Variants in DGKB observed in about 807,000 individuals in gnomAD.
The protein encoded by DGKB is 90 kDa diacylglycerol kinase.
In DGKB, 67 loss-of-function variants were observed where a neutral mutation model predicts 114.3. The ratio of observed to expected loss-of-function variants is 0.59; its 90% confidence interval spans 0.48 to 0.72. The LOEUF (loss-of-function observed/expected upper bound fraction) is 0.72. DGKB is among the 30% of genes least tolerant of loss of function. The pLI is 0.00. For synonymous variants in DGKB, 398 were observed against 323.1 expected, an observed-to-expected ratio of 1.23 and a Z score of -2.49; for missense variants, 907 against 975.2, an observed-to-expected ratio of 0.93 and a Z score of 0.93.
chr7:14,387,150 G>A (rs994630155), intron 21 of DGKB, among the ~76,000 whole-genome samples: 11 of 151,660 alleles, frequency 7.3e-5, no homozygotes, highest in African/African-American at 2.2e-4. Flanking sequence ...TTGGCTGGGC[G>A]CGGTGGCTCA....
At chr7:14,827,035 A>G (rs1197820211) in intron 2 of DGKB, among the ~76,000 whole-genome samples, 2 of 152,086 alleles carry the variant, frequency 1.3e-5, no homozygotes, top group Admixed American at 6.6e-5. Flanking sequence ...TGCCAGTTTT[A>G]ACATTGTGGG....
chr7:14,627,098 T>A (rs539746192), intron 14 of DGKB, among the ~76,000 whole-genome samples: 3 of 152,220 alleles, frequency 2.0e-5, no homozygotes, highest in South Asian at 2.1e-4. Context: ...AGATAAAAAA[T>A]TTTATTTATT....
chr7:14,566,184 T>G (rs1193489284), intron 20 of DGKB, among the ~76,000 whole-genome samples: 3 of 152,252 alleles, frequency 2.0e-5, no homozygotes, highest in African/African-American at 7.2e-5. Flanking sequence ...TGCTGAAACT[T>G]TGCTGTATAA....
chr7:14,591,828 T>C (rs114712756), intron 17 of DGKB, among the ~76,000 whole-genome samples: 267 of 152,038 alleles, frequency 1.8e-3, no homozygotes, highest in African/African-American at 6.3e-3. Context: ...TAAGATAAAA[T>C]TGATACAGAA....
intron 8 of DGKB, among the ~76,000 whole-genome samples, chr7:14,696,610 T>A (rs1430164612): frequency 6.8e-6 from 1 of 146,640 alleles, no homozygotes; most frequent in Non-Finnish European, 1.5e-5. Context: ...AGATGACTAA[T>A]CTGCACAGGT....
At chr7:14,937,982 C>G (rs968785587) in intron 1 of DGKB, among the ~76,000 whole-genome samples, 2 of 152,100 alleles carry the variant, frequency 1.3e-5, no homozygotes, top group Non-Finnish European at 2.9e-5. Context: ...TTTATTAAGG[C>G]TTTGGCCAAC....
intron 5 of DGKB, among the ~76,000 whole-genome samples, chr7:14,735,007 C>A (rs1831501191): frequency 1.3e-5 from 2 of 152,174 alleles, no homozygotes; most frequent in South Asian, 4.1e-4. Flanking sequence ...CCTGCTGCTC[C>A]TGTTGAATCT....
chr7:14,234,581 T>C (rs953793939), intron 23 of DGKB, among the ~76,000 whole-genome samples: 2 of 152,134 alleles, frequency 1.3e-5, no homozygotes, highest in African/African-American at 4.8e-5. Context: ...GTGAATGAAT[T>C]GTTTATGCAA....
rs55750697 is a variant in DGKB, at chr7:14,775,964, A to G, written c.71-18233T>C. ...CAGAGAAGTCAGAAGAATGTGAGAA[A>G]GTTTGGAACTTTCCAGAGACTTGTG... On this transcript the variant is annotated intron_variant, in intron 2 of 25. Transcript: ENST00000402815. Among the ~76,000 whole-genome samples the G allele has an allele frequency of 1.6e-3, 238 of 152,234 alleles. 1 individual carries two copies. In the Middle Eastern group the frequency reaches 0.027, roughly 17 times the overall value.
At chr7:14,239,607 G>T (rs1436654932) in intron 23 of DGKB, among the ~76,000 whole-genome samples, 1 of 151,762 alleles carries the variant, frequency 6.6e-6, no homozygotes, top group Non-Finnish European at 1.5e-5. Flanking sequence ...TTTTAGGATA[G>T]GAAAAAAGAG....
intron 2 of DGKB, among the ~76,000 whole-genome samples, chr7:14,799,682 T>C (rs1032814179): frequency 4.6e-5 from 7 of 152,150 alleles, no homozygotes; most frequent in Admixed American, 3.3e-4. Context: ...CATTTGGATG[T>C]GTTACCTCAG....
intron 21 of DGKB, among the ~76,000 whole-genome samples, chr7:14,423,464 T>C (rs1314879742): frequency 1.3e-5 from 2 of 152,196 alleles, no homozygotes; most frequent in Middle Eastern, 3.4e-3. Flanking sequence ...TTTTACAAAA[T>C]GAGTGTTCAA....
At chr7:14,865,165 C>G (rs217550) in intron 1 of DGKB, among the ~76,000 whole-genome samples, 33,802 of 151,990 alleles carry the variant, frequency 0.22, 4,118 homozygotes, top group African/African-American at 0.31. Flanking sequence ...GAGCAACAGA[C>G]TTGTGTTAGG....
At chr7:14,346,826 A>G (rs1320704933) in intron 21 of DGKB, among the ~76,000 whole-genome samples, 1 of 152,046 alleles carries the variant, frequency 6.6e-6, no homozygotes, top group Non-Finnish European at 1.5e-5. Flanking sequence ...TGAAAAACAT[A>G]TCATTCTACA....
chr7:14,921,408 A>G (rs36854), intron 1 of DGKB, among the ~76,000 whole-genome samples: 82,889 of 151,980 alleles, frequency 0.55, 24,757 homozygotes, highest in East Asian at 0.92. Context: ...AAAAACTGAA[A>G]GGTATTAATT....
intron 21 of DGKB, among the ~76,000 whole-genome samples, chr7:14,429,895 C>T (rs1563166712): frequency 6.6e-6 from 1 of 150,934 alleles, no homozygotes; most frequent in East Asian, 2.0e-4. Flanking sequence ...CCACTGGACT[C>T]CAGCCTGGGC....
chr7:14,808,827 T>C (rs1387803501), intron 2 of DGKB, among the ~76,000 whole-genome samples: 1 of 152,112 alleles, frequency 6.6e-6, no homozygotes, highest in Non-Finnish European at 1.5e-5. Flanking sequence ...TAATCAGCTG[T>C]GTGACCTTGT....
At chr7:14,680,840 G>C (rs1362156924) in intron 12 of DGKB, among the ~76,000 whole-genome samples, 1 of 151,542 alleles carries the variant, frequency 6.6e-6, no homozygotes, top group Non-Finnish European at 1.5e-5. Flanking sequence ...GTTTTTAGAG[G>C]GTTCAAACTG....
chr7:14,617,248 A>C (rs1806718537), intron 15 of DGKB, among the ~76,000 whole-genome samples: 3 of 151,670 alleles, frequency 2.0e-5, no homozygotes, highest in Non-Finnish European at 3.0e-5. Context: ...ACAGCAGCAG[A>C]AATTTCCCTC....
Sources: allele counts gnomAD v4.1 joint callset (sites outside exome capture counted in the v4.1 genomes callset), GRCh38; gene constraint gnomAD v4.1.1; transcripts MANE v1.5; gene names NCBI Gene and HGNC (gene_info 2026-07-23, HGNC 2026-07-21).